IMMP2L: variants seen among roughly 807,000 people sequenced by gnomAD.
IMMP2L encodes mitochondrial inner membrane protease subunit 2.
IMMP2L carries 18 observed loss-of-function variants against 19.3 expected under a neutral mutation model. The observed-to-expected ratio is 0.93, with a 90% CI of 0.64 to 1.38. IMMP2L has a LOEUF of 1.38. Among genes scored for constraint, IMMP2L ranks in the 40% most tolerant of loss-of-function variants. IMMP2L has a pLI of 0.00. For missense variants in IMMP2L, 233 were observed against 218.2 expected, an observed-to-expected ratio of 1.07 and a Z score of -0.43; for synonymous variants, 76 against 73.0, an observed-to-expected ratio of 1.04 and a Z score of -0.21.
chr7:111,251,735 G>A (rs936910636), intron 3 of IMMP2L, among the ~76,000 whole-genome samples: 26 of 152,162 alleles, frequency 1.7e-4, no homozygotes, highest in African/African-American at 6.0e-4. Flanking sequence ...ACGAACTGGG[G>A]CCCATTGATG....
At position 110,877,566 on chromosome 7, in the gene IMMP2L, T is replaced by C. The variant is rs73425039; in HGVS notation, c.408+9027A>G. Among the ~76,000 whole-genome samples the C allele has an allele frequency of 0.04, 6,115 of 152,194 alleles. 397 individuals carry two copies. Among genetic ancestry groups the C allele is most frequent in the African/African-American group, 0.14 (5,710 of 41,506 alleles). ...ATGGAATGATCAAGGCATAGGCAGG[T>C]AAGACGGATCTGGAAAATTTGGCGG... On this transcript the variant is annotated intron_variant, in intron 5 of 5. Transcript: ENST00000405709. The surrounding 1 kb of genome is among the most constrained non-coding windows in gnomAD (Gnocchi z 4.0).
intron 4 of IMMP2L, among the ~76,000 whole-genome samples, chr7:110,950,093 T>A (rs1170959889): frequency 6.6e-6 from 1 of 152,192 alleles, no homozygotes; most frequent in Non-Finnish European, 1.5e-5. Flanking sequence ...TTGCACATTT[T>A]CAGGTCTTAC....
chr7:111,491,734 CCT>C (rs1843123189), intron 2 of IMMP2L, among the ~76,000 whole-genome samples: 1 of 152,132 alleles, frequency 6.6e-6, no homozygotes, highest in Non-Finnish European at 1.5e-5. Context: ...TCTCCCTCTT[CCT>C]CTCTGTCTTT....
intron 3 of IMMP2L, among the ~76,000 whole-genome samples, chr7:111,016,133 G>A (rs1367789741): frequency 6.6e-6 from 1 of 151,712 alleles, no homozygotes; most frequent in Non-Finnish European, 1.5e-5. Flanking sequence ...ACAACTATAT[G>A]TATCAGCCAG....
intron 5 of IMMP2L, among the ~76,000 whole-genome samples, chr7:110,694,822 G>T (rs1471855837): frequency 6.6e-6 from 1 of 152,082 alleles, no homozygotes; most frequent in Non-Finnish European, 1.5e-5. Context: ...TGACTGGATG[G>T]GTGGATAACT....
chr7:111,385,929 T>C (rs1831704217), intron 3 of IMMP2L, among the ~76,000 whole-genome samples: 1 of 152,062 alleles, frequency 6.6e-6, no homozygotes, highest in African/African-American at 2.4e-5. Context: ...TGAATTTTTT[T>C]TTTTAATAGA....
At chr7:110,999,175 T>C (rs537314431) in intron 3 of IMMP2L, among the ~76,000 whole-genome samples, 2 of 152,270 alleles carry the variant, frequency 1.3e-5, no homozygotes, top group East Asian at 3.9e-4. Context: ...TAATCTCATC[T>C]TTATCCTTGG....
intron 3 of IMMP2L, among the ~76,000 whole-genome samples, chr7:111,416,566 A>G (rs1276063566): frequency 6.6e-6 from 1 of 151,862 alleles, no homozygotes; most frequent in African/African-American, 2.4e-5. Context: ...AGAGAAAAAT[A>G]AAAGTACTTC....
chr7:111,189,317 A>G (rs950978491), intron 3 of IMMP2L, among the ~76,000 whole-genome samples: 6 of 151,790 alleles, frequency 4.0e-5, no homozygotes, highest in African/African-American at 1.5e-4. Flanking sequence ...AGGCCTGTGT[A>G]TCAATGATAA....
intron 4 of IMMP2L, among the ~76,000 whole-genome samples, chr7:110,941,164 A>T (rs1398969741): frequency 6.6e-6 from 1 of 152,204 alleles, no homozygotes; most frequent in African/African-American, 2.4e-5. Context: ...CTCCAGCATA[A>T]GTAAAACATA....
At chr7:111,277,726 T>A (rs1355899549) in intron 3 of IMMP2L, among the ~76,000 whole-genome samples, 1 of 152,166 alleles carries the variant, frequency 6.6e-6, no homozygotes, top group Non-Finnish European at 1.5e-5. Context: ...GCAATCCCAC[T>A]ACTGGGTATC....
At chr7:110,699,328 G>C (rs1373465475) in intron 5 of IMMP2L, among the ~76,000 whole-genome samples, 1 of 152,180 alleles carries the variant, frequency 6.6e-6, no homozygotes, top group East Asian at 1.9e-4. Flanking sequence ...AGGACAAAGA[G>C]CCTATGATGC....
chr7:111,115,936 C>A (rs1799829746), intron 3 of IMMP2L, among the ~76,000 whole-genome samples: 1 of 152,226 alleles, frequency 6.6e-6, no homozygotes, highest in African/African-American at 2.4e-5. Context: ...CTCAGCCTCC[C>A]AAAGGGCTGG....
chr7:111,328,915 A>C (rs1252161934), intron 3 of IMMP2L, among the ~76,000 whole-genome samples: 1 of 151,744 alleles, frequency 6.6e-6, no homozygotes, highest in Non-Finnish European at 1.5e-5. Flanking sequence ...ACAAAAAAAC[A>C]TTGGGACCCT....
intron 3 of IMMP2L, among the ~76,000 whole-genome samples, chr7:111,337,157 C>T (rs1043498268): frequency 6.6e-5 from 10 of 151,942 alleles, no homozygotes; most frequent in South Asian, 2.1e-4. Context: ...TCTAATGCAA[C>T]GAACATCCAC....
At chr7:111,375,753 A>G (rs1458379028) in intron 3 of IMMP2L, among the ~76,000 whole-genome samples, 1 of 151,850 alleles carries the variant, frequency 6.6e-6, no homozygotes, top group East Asian at 1.9e-4. Flanking sequence ...TGAACTCTTC[A>G]CCTCAAGTGA....
At chr7:110,852,199 AGGATGGATGGATGGAT>A (rs35319498) in intron 5 of IMMP2L, among the ~76,000 whole-genome samples, 678 of 148,850 alleles carry the variant, frequency 4.6e-3, no homozygotes, top group South Asian at 6.1e-3. Context: ...GGTGGATGGA[AGGATGGATGGATGGAT>A]GGATGGATGG....
intron 3 of IMMP2L, among the ~76,000 whole-genome samples, chr7:111,340,989 C>T (rs1826954931): frequency 6.6e-6 from 1 of 152,090 alleles, no homozygotes; most frequent in Admixed American, 6.6e-5. Flanking sequence ...TGGACCAATA[C>T]TCTGGAAAAG....
intron 3 of IMMP2L, among the ~76,000 whole-genome samples, chr7:111,325,449 G>A (rs1049055110): frequency 1.3e-5 from 2 of 151,340 alleles, no homozygotes; most frequent in Non-Finnish European, 3.0e-5. Context: ...ACTTAATATA[G>A]CTATAGATAT....
Sources: allele counts gnomAD v4.1 joint callset (sites outside exome capture counted in the v4.1 genomes callset), GRCh38; gene constraint gnomAD v4.1.1; non-coding constraint Gnocchi (gnomAD v3.1); transcripts MANE v1.5; gene names NCBI Gene and HGNC (gene_info 2026-07-23, HGNC 2026-07-21).